The following TMTC2 variants were observed in gnomAD, a reference collection of about 807,000 sequenced individuals.
TMTC2 encodes transmembrane O-mannosyltransferase targeting cadherins 2.
Under a neutral mutation model 82.4 loss-of-function variants are expected in TMTC2, and 43 were observed. The observed-to-expected ratio is 0.52, with a 90% CI of 0.41 to 0.67. The LOEUF (loss-of-function observed/expected upper bound fraction) is 0.67. TMTC2 is among the 30% of genes least tolerant of loss of function. TMTC2 has a pLI of 0.00. For missense variants in TMTC2, 919 were observed against 1,012.4 expected (o/e 0.91, Z 1.25); for synonymous variants, 408 against 381.9 (o/e 1.07, Z -0.80).
chr12:82,792,571 A>G (rs572963030), intron 1 of TMTC2, among the ~76,000 whole-genome samples: 164 of 152,064 alleles, frequency 1.1e-3, no homozygotes, highest in Non-Finnish European at 1.9e-3. Context: ...GGGTCAAGCA[A>G]TTCTCCCATT....
At chr12:82,954,018 A>AT (rs1020744182) in intron 4 of TMTC2, among the ~76,000 whole-genome samples, 63 of 152,040 alleles carry the variant, frequency 4.1e-4, no homozygotes, top group Middle Eastern at 3.4e-3. Flanking sequence ...TTTGATTATT[A>AT]TTTTTTTTGT....
intron 1 of TMTC2, among the ~76,000 whole-genome samples, chr12:82,747,050 C>A (rs2136960702): frequency 6.6e-6 from 1 of 152,300 alleles, no homozygotes; most frequent in East Asian, 1.9e-4. Flanking sequence ...GGGCTCTAAG[C>A]AAGAGAACCC....
intron 1 of TMTC2, among the ~76,000 whole-genome samples, chr12:82,833,222 A>G (rs1265843581): frequency 6.6e-6 from 1 of 152,190 alleles, no homozygotes; most frequent in Non-Finnish European, 1.5e-5. Flanking sequence ...ATTTTGTTTT[A>G]CCGTAGCATA....
intron 1 of TMTC2, among the ~76,000 whole-genome samples, chr12:82,818,345 T>C (rs1868874849): frequency 6.6e-6 from 1 of 152,132 alleles, no homozygotes; most frequent in Non-Finnish European, 1.5e-5. Context: ...GGTAAGTCTT[T>C]GCAAAATTGA....
At chr12:83,041,090 A>G (rs1331695130) in intron 9 of TMTC2, among the ~76,000 whole-genome samples, 3 of 152,138 alleles carry the variant, frequency 2.0e-5, no homozygotes, top group African/African-American at 7.2e-5. Context: ...GTGTATGGAA[A>G]TAGAATCCAC....
chr12:82,925,875 C>A (rs1303068397), intron 3 of TMTC2, among the ~76,000 whole-genome samples: 1 of 152,054 alleles, frequency 6.6e-6, no homozygotes, highest in Non-Finnish European at 1.5e-5. Context: ...ATGTCTCTCA[C>A]TTTACATCAA....
At chr12:83,107,765 C>T (rs978663697) in intron 11 of TMTC2, among the ~76,000 whole-genome samples, 1 of 38,472 alleles carries the variant, frequency 2.6e-5, no homozygotes, top group African/African-American at 9.8e-5. Flanking sequence ...CTGCCCCATC[C>T]TTATGACCCC....
chr12:82,894,803 T>G (rs1409843790), intron 2 of TMTC2, among the ~76,000 whole-genome samples: 2 of 152,058 alleles, frequency 1.3e-5, no homozygotes, highest in Non-Finnish European at 2.9e-5. Context: ...AGTCATTTTA[T>G]TTTATTTTTT....
intron 4 of TMTC2, among the ~76,000 whole-genome samples, chr12:82,940,287 G>A (rs2137261051): frequency 6.6e-6 from 1 of 151,674 alleles, no homozygotes; most frequent in South Asian, 2.1e-4. Flanking sequence ...AAAGTGCTGG[G>A]ATTACAGGCG....
intron 8 of TMTC2, among the ~76,000 whole-genome samples, chr12:83,024,064 A>G (rs1881055191): frequency 6.6e-6 from 1 of 152,194 alleles, no homozygotes; most frequent in South Asian, 2.1e-4. Flanking sequence ...ACATCAATGT[A>G]TTGTATAGTT....
chr12:82,761,176 G>A (rs533036835), intron 1 of TMTC2, among the ~76,000 whole-genome samples: 1 of 152,278 alleles, frequency 6.6e-6, no homozygotes, highest in African/African-American at 2.4e-5. Context: ...CTCAGGAGCA[G>A]TGTGATCTTG....
chr12:83,120,263 T>G (rs1346341318), intron 11 of TMTC2, among the ~76,000 whole-genome samples: 2 of 152,242 alleles, frequency 1.3e-5, no homozygotes, highest in Non-Finnish European at 2.9e-5. Flanking sequence ...GATTTATGCT[T>G]TAAAGAGGTT....
intron 1 of TMTC2, among the ~76,000 whole-genome samples, chr12:82,700,192 C>G (rs1873002197): frequency 6.6e-6 from 1 of 152,094 alleles, no homozygotes; most frequent in South Asian, 2.1e-4. Context: ...ACTCCTTTAT[C>G]CTCTGTTCTC....
chr12:82,809,929 G>A (rs951360297), intron 1 of TMTC2, among the ~76,000 whole-genome samples: 7 of 152,100 alleles, frequency 4.6e-5, no homozygotes, highest in African/African-American at 1.4e-4. Flanking sequence ...ACGGTATGGG[G>A]TCATAGACTT....
chr12:83,125,372 C>T (rs1024920334), intron 11 of TMTC2, among the ~76,000 whole-genome samples: 1 of 152,136 alleles, frequency 6.6e-6, no homozygotes, highest in Non-Finnish European at 1.5e-5. Context: ...TCCTACCTTT[C>T]AAATATGACC....
At chr12:82,693,059 C>T (rs1380711168) in intron 1 of TMTC2, among the ~76,000 whole-genome samples, 1 of 152,124 alleles carries the variant, frequency 6.6e-6, no homozygotes, top group Non-Finnish European at 1.5e-5. Context: ...TACAGCACTG[C>T]TTACCTTGTT....
chr12:82,968,004 A>C (rs1878292839), intron 7 of TMTC2, among the ~76,000 whole-genome samples: 1 of 152,120 alleles, frequency 6.6e-6, no homozygotes, highest in Non-Finnish European at 1.5e-5. Context: ...TACAAAATAC[A>C]CACCTGGTAA....
At chr12:83,050,040 A>C (rs1338039385) in intron 9 of TMTC2, among the ~76,000 whole-genome samples, 1 of 152,182 alleles carries the variant, frequency 6.6e-6, no homozygotes, top group Non-Finnish European at 1.5e-5. Flanking sequence ...GTACTTTTAA[A>C]TTCTTGAACT....
chr12:82,902,482 A>G (rs1230733880), intron 3 of TMTC2, among the ~76,000 whole-genome samples: 2 of 152,134 alleles, frequency 1.3e-5, no homozygotes, highest in Non-Finnish European at 2.9e-5. Context: ...TTCCAAGACA[A>G]GTTATTGATT....
Sources: gnomAD v4.1 joint callset for allele counts (sites outside exome capture counted in the v4.1 genomes callset) on GRCh38, gnomAD v4.1.1 for gene constraint, MANE v1.5 for transcripts, NCBI Gene and HGNC (gene_info 2026-07-23, HGNC 2026-07-21) for gene names.